PTPRN2: variants seen among roughly 807,000 people sequenced by gnomAD.
PTPRN2 encodes the protein protein tyrosine phosphatase receptor type N2, also known as receptor-type tyrosine-protein phosphatase N2.
A neutral mutation model predicts 118.8 loss-of-function variants in PTPRN2; 74 were observed. The ratio of observed to expected loss-of-function variants is 0.62; its 90% CI spans 0.52 to 0.76. The LOEUF (loss-of-function observed/expected upper bound fraction) is 0.76. PTPRN2 is among the 30% of genes least tolerant of loss of function. The probability of loss-of-function intolerance (pLI) is 0.00; values close to 1 mark genes in which losing one functional copy is unlikely to be tolerated. For synonymous variants in PTPRN2, 641 were observed against 608.0 expected, an observed-to-expected ratio of 1.05 and a Z score of -0.80; for missense variants, 1,481 against 1,394.4, an observed-to-expected ratio of 1.06 and a Z score of -0.99.
chr7:157,626,497 G>A (rs371895948), intron 14 of PTPRN2, among the ~76,000 whole-genome samples: 38 of 152,198 alleles, frequency 2.5e-4, no homozygotes, highest in African/African-American at 9.2e-4. Context: ...GTCCGGTCAG[G>A]ACATGCCCAT....
At chr7:158,060,398 G>A (rs868506062) in intron 11 of PTPRN2, among the ~76,000 whole-genome samples, 2 of 152,202 alleles carry the variant, frequency 1.3e-5, no homozygotes, top group Non-Finnish European at 2.9e-5. Context: ...TCACTGTCTC[G>A]CCGTGTGTGT....
intron 19 of PTPRN2, among the ~76,000 whole-genome samples, chr7:157,576,395 C>G (rs952070404): frequency 2.0e-5 from 3 of 152,196 alleles, no homozygotes; most frequent in Non-Finnish European, 2.9e-5. Flanking sequence ...TGCCTATTCC[C>G]CCTCACATTT....
At chr7:158,012,240 C>T (rs1485122006) in intron 11 of PTPRN2, among the ~76,000 whole-genome samples, 1 of 152,058 alleles carries the variant, frequency 6.6e-6, no homozygotes, top group Non-Finnish European at 1.5e-5. Flanking sequence ...TCAGTGAGTG[C>T]GTGAATAGGT....
Position 157,629,620 on chromosome 7 carries a change from A to G in PTPRN2, c.2197-8111T>C, listed in dbSNP as rs952605760. 1.3e-5 allele frequency among the ~76,000 whole-genome samples: 2 copies of G among 152,206 alleles called. No individual in the cohort carries two copies. The highest frequency in any genetic ancestry group is 2.9e-5 in the Non-Finnish European group (2 of 68,032). Reference sequence around the variant, plus strand: ...ATCATCACTCCGTGGGTCTTCGGATATGGGACGAGTGGAAACTGTCCTGGT... The same window carrying G: ...ATCATCACTCCGTGGGTCTTCGGATGTGGGACGAGTGGAAACTGTCCTGGT... On this transcript the variant is annotated intron_variant, in intron 14 of 22. Transcript: ENST00000389418. The surrounding 1 kb of genome is among the most constrained non-coding windows in gnomAD (Gnocchi z 4.4).
rs74759482 is a variant in PTPRN2 at position 157,649,777 on chromosome 7, A to G, written c.2196+6580T>C. Among the ~76,000 whole-genome samples, 1,253 of 147,306 alleles carry G rather than the reference A, an allele frequency of 8.5e-3. 113 individuals carry two copies. In the East Asian group the frequency reaches 0.17, roughly 20 times the overall value. On this transcript the variant is annotated intron_variant, in intron 14 of 22. Transcript: ENST00000389418. Reference sequence around the variant, plus strand: ...GGTCAGACCCATCCAGTGTGCACTGAACTTGGTGGGTCGGACCCATCCAGC... The same window carrying G: ...GGTCAGACCCATCCAGTGTGCACTGGACTTGGTGGGTCGGACCCATCCAGC...
At chr7:157,883,619 T>G (rs1019679726) in intron 12 of PTPRN2, among the ~76,000 whole-genome samples, 1 of 144,764 alleles carries the variant, frequency 6.9e-6, no homozygotes, top group African/African-American at 2.6e-5. Context: ...CCAAAATGAC[T>G]GTTGGAGACC....
At chr7:157,752,529 C>T (rs377418617) in intron 12 of PTPRN2, among the ~76,000 whole-genome samples, 26 of 152,232 alleles carry the variant, frequency 1.7e-4, no homozygotes, top group Middle Eastern at 3.4e-3. Flanking sequence ...AGGGTCAACG[C>T]GCACTCTCTC....
At chr7:158,340,988 C>A (rs1236714989) in intron 2 of PTPRN2, among the ~76,000 whole-genome samples, 1 of 78,798 alleles carries the variant, frequency 1.3e-5, no homozygotes, top group Non-Finnish European at 2.8e-5. Flanking sequence ...CACCCACACT[C>A]TCACCATAAG....
intron 12 of PTPRN2, among the ~76,000 whole-genome samples, chr7:157,755,801 C>T (rs544589473): frequency 1.6e-4 from 24 of 152,258 alleles, no homozygotes; most frequent in African/African-American, 4.6e-4. Flanking sequence ...TGCCTGGAGA[C>T]GGATCCATTC....
intron 11 of PTPRN2, among the ~76,000 whole-genome samples, chr7:158,018,522 T>A (rs1806613720): frequency 6.6e-6 from 1 of 152,210 alleles, no homozygotes; most frequent in Admixed American, 6.5e-5. Flanking sequence ...CTTTGAAATT[T>A]GTTTCAGAAA....
chr7:158,465,039 T>C (rs1819292802), intron 2 of PTPRN2, among the ~76,000 whole-genome samples: 1 of 152,232 alleles, frequency 6.6e-6, no homozygotes, highest in African/African-American at 2.4e-5. Context: ...GCTATGGTGT[T>C]CTTATCGCAG....
chr7:157,993,762 T>C (rs1804433629), intron 11 of PTPRN2, among the ~76,000 whole-genome samples: 1 of 152,116 alleles, frequency 6.6e-6, no homozygotes, highest in Non-Finnish European at 1.5e-5. Context: ...TTCAAATCTC[T>C]GATTTGAGAT....
At chr7:158,014,816 C>T (rs776512612) in intron 11 of PTPRN2, among the ~76,000 whole-genome samples, 2 of 151,974 alleles carry the variant, frequency 1.3e-5, no homozygotes, top group Non-Finnish European at 2.9e-5. Flanking sequence ...CGTCCATATA[C>T]CCACACATCC....
At chr7:158,312,212 ACGTGCTC>A in intron 3 of PTPRN2, among the ~76,000 whole-genome samples, 1 of 145,582 alleles carries the variant, frequency 6.9e-6, no homozygotes, top group Non-Finnish European at 1.5e-5. Flanking sequence ...ATGCACACAC[ACGTGCTC>A]ACAGACACCC....
chr7:158,073,852 A>G (rs1004552791), intron 11 of PTPRN2, among the ~76,000 whole-genome samples: 1 of 152,196 alleles, frequency 6.6e-6, no homozygotes, highest in Non-Finnish European at 1.5e-5. Context: ...AGCAAAACAG[A>G]GAGCCAAGTG....
rs1157228887 is a variant in PTPRN2 at position 157,861,380 on chromosome 7, CT to C, written c.1788+37292del. Among the ~76,000 whole-genome samples the C allele has an allele frequency of 6.6e-6, 1 of 152,256 alleles. No homozygotes were observed. Among genetic ancestry groups the C allele is most frequent in the Non-Finnish European group, 1.5e-5 (1 of 68,046 alleles). On this transcript the variant is annotated intron_variant, in intron 12 of 22. Coordinates refer to ENST00000389418, the MANE Select transcript of PTPRN2 (RefSeq NM_002847.5). The surrounding 1 kb of genome is among the most constrained non-coding windows in gnomAD (Gnocchi z 5.8). ...CCCGGGTCCCTTCAGTCTGCGCTCC[CT>C]GCGGTGGGCAGTGGCTTCTGTGTTT...
chr7:158,516,211 C>T (rs562810740), intron 1 of PTPRN2, among the ~76,000 whole-genome samples: 1 of 152,352 alleles, frequency 6.6e-6, no homozygotes, highest in East Asian at 1.9e-4. Flanking sequence ...AGCGCAGTGG[C>T]TCACACACCT....
chr7:158,121,389 TCC>T (rs1817160386), intron 9 of PTPRN2, among the ~76,000 whole-genome samples: 1 of 152,220 alleles, frequency 6.6e-6, no homozygotes, highest in African/African-American at 2.4e-5. Context: ...TTAAAAGGTC[TCC>T]AGTACTTTCA....
At chr7:158,131,391 C>G (rs1298493466) in intron 9 of PTPRN2, among the ~76,000 whole-genome samples, 1 of 146,374 alleles carries the variant, frequency 6.8e-6, no homozygotes, top group African/African-American at 2.6e-5. Context: ...CTCATACACA[C>G]ACGTATATAC....
Sources: allele counts gnomAD v4.1 joint callset (sites outside exome capture counted in the v4.1 genomes callset), GRCh38; gene constraint gnomAD v4.1.1; non-coding constraint Gnocchi (gnomAD v3.1); transcripts MANE v1.5; gene names NCBI Gene and HGNC (gene_info 2026-07-23, HGNC 2026-07-21).